The following GLB1L2 variants were observed in gnomAD, a reference collection of about 807,000 sequenced individuals.
GLB1L2 encodes galactosidase beta 1 like 2.
GLB1L2 carries 68 observed loss-of-function variants against 84.1 expected under a neutral mutation model. The ratio of observed to expected loss-of-function variants is 0.81; its 90% confidence interval spans 0.67 to 0.99. The LOEUF (loss-of-function observed/expected upper bound fraction) is 0.99. Ranked by LOEUF, GLB1L2 falls within the 50% of genes least tolerant of loss-of-function variation. GLB1L2 has a pLI of 0.00. For synonymous variants in GLB1L2, 290 were observed against 318.0 expected (o/e 0.91, Z 0.94); for missense variants, 762 against 805.6 (o/e 0.95, Z 0.66).
intron 5 of GLB1L2, among the ~76,000 whole-genome samples, chr11:134,350,353 G>C (rs1030393126): frequency 6.6e-6 from 1 of 152,194 alleles, no homozygotes. Flanking sequence ...CTCCGTCTAC[G>C]TGGATGCTGG....
chr11:134,347,293 A>C (rs373674799), intron 4 of GLB1L2, 32 bp from the exon 5 acceptor site: 1 of 1,540,384 alleles, frequency 6.5e-7, no homozygotes. Flanking sequence ...TGTGACACTA[A>C]CATCCTTCCT....
At chr11:134,344,258 C>A in intron 2 of GLB1L2, 129 bp from the exon 3 acceptor site, 1 of 1,142,844 alleles carries the variant, frequency 8.8e-7, no homozygotes, top group Non-Finnish European at 1.3e-6. Context: ...GTTCTTGGTT[C>A]CAGTCCTAAA....
intron 6 of GLB1L2, among the ~76,000 whole-genome samples, chr11:134,358,492 C>G (rs991826581): frequency 5.9e-5 from 9 of 152,302 alleles, no homozygotes; most frequent in African/African-American, 2.2e-4. Context: ...TTCCACTTCA[C>G]TCTCTGCTTT....
intron 1 of GLB1L2, among the ~76,000 whole-genome samples, chr11:134,341,155 T>G (rs1467567958): frequency 6.6e-6 from 1 of 152,202 alleles, no homozygotes; most frequent in African/African-American, 2.4e-5. Context: ...AAGCTTTCTC[T>G]TTGGAGAAAA....
At chr11:134,343,049 GC>G in intron 2 of GLB1L2, 98 bp downstream of exon 2, 2 of 1,285,314 alleles carry the variant, frequency 1.6e-6, no homozygotes, top group Admixed American at 2.4e-5. Flanking sequence ...CAGGTCCTCT[GC>G]CCAGGGCGAG....
In GLB1L2 at chr11:134,356,409, G is replaced by A; in HGVS notation, c.651+16G>A. On this transcript the variant is annotated intron_variant, in intron 6 of 18. Coordinates refer to ENST00000535456, the MANE Select transcript of GLB1L2 (RefSeq NM_001370461.1). ...CGTCAAGAAGGTAAGAATCCTCTTAGTGCGTTTCTTTAGATTCCTTCCTCT... is the reference window on the plus strand; with the variant it reads ...CGTCAAGAAGGTAAGAATCCTCTTAATGCGTTTCTTTAGATTCCTTCCTCT... 4.4e-6 allele frequency: 7 copies of A among 1,579,508 alleles called. No individual in the cohort carries two copies. The highest frequency in any genetic ancestry group is 4.4e-5 in the South Asian group (4 of 90,260).
At chr11:134,361,915 C>T (rs1408704442) in intron 7 of GLB1L2, among the ~76,000 whole-genome samples, 1 of 152,172 alleles carries the variant, frequency 6.6e-6, no homozygotes, top group Non-Finnish European at 1.5e-5. Flanking sequence ...TCTTCCTCCT[C>T]GCCCCCGGCC....
chr11:134,364,174 C>G (rs1213549326), intron 7 of GLB1L2, among the ~76,000 whole-genome samples, 154 bp from the exon 8 acceptor site: 10 of 152,210 alleles, frequency 6.6e-5, no homozygotes, highest in Non-Finnish European at 1.5e-4. Context: ...AGCCACCGCG[C>G]CTGACTGTGG....
At chr11:134,363,632 C>G (rs993208422) in intron 7 of GLB1L2, among the ~76,000 whole-genome samples, 7 of 152,168 alleles carry the variant, frequency 4.6e-5, no homozygotes, top group African/African-American at 1.7e-4. Context: ...AGAATTAGCC[C>G]TTATCAAGAA....
At chr11:134,340,304 G>A (rs1591610051) in intron 1 of GLB1L2, among the ~76,000 whole-genome samples, 1 of 151,674 alleles carries the variant, frequency 6.6e-6, no homozygotes, top group East Asian at 1.9e-4. Context: ...ATGTGCATGT[G>A]TGTGTGTATT....
At chr11:134,345,702 C>G (rs1239552750) in intron 4 of GLB1L2, among the ~76,000 whole-genome samples, 1 of 152,196 alleles carries the variant, frequency 6.6e-6, no homozygotes, top group African/African-American at 2.4e-5. Context: ...AACTCCTGAC[C>G]TTGTGATCTG....
chr11:134,375,029 C>A lies in GLB1L2; in HGVS notation c.1882C>A (p.His628Asn), dbSNP rs369197018. ...GPALQFTETP[H>N]LGRNQYIK ...TGCATTACAGTTCACGGAAACCCCC[C>A]ACCTGGGCAGGAACCAGTACATTAA... Residue 628 changes from histidine (H) to asparagine (N), a missense_variant, in exon 19 of 19, where the codon CAC (histidine) becomes AAC (asparagine). By Grantham distance (68) the His-to-Asn change is moderately conservative. This residue lies in a region of GLB1L2 where 603 missense variants were observed against 611.7 expected (regional missense o/e 0.99). Coordinates refer to ENST00000535456, the MANE Select transcript of GLB1L2 (RefSeq NM_001370461.1). 3.3e-4 allele frequency: 539 copies of A among 1,613,880 alleles called. 8 individuals carry two copies. The South Asian group carries it at 5.2e-3, about 16-fold the overall frequency.
rs138574847 is a variant in GLB1L2, at chr11:134,368,730, A to G, written c.976A>G (p.Met326Val). Residue 326 changes from methionine to valine, a missense_variant, in exon 10 of 19, where the codon ATG (methionine) becomes GTG (valine). Met to Val is a conservative substitution (Grantham distance 21). Transcript: ENST00000535456. ...CCACGGAGGCACCAACTTTGGCTTC[A>G]TGAATGGAGCCATGCACTTCCATGA... is the stretch of plus-strand genomic sequence containing the variant. ...MFHGGTNFGF[M>V]NGAMHFHDYK... 2.7e-5 allele frequency: 43 copies of G among 1,613,976 alleles called. No individual in the cohort carries two copies. The highest frequency in any genetic ancestry group is 3.6e-5 in the Non-Finnish European group (42 of 1,180,050).
intron 17 of GLB1L2, 45 bp downstream of exon 17, chr11:134,374,301 C>A: frequency 7.0e-7 from 1 of 1,424,914 alleles, no homozygotes; most frequent in South Asian, 1.1e-5. Context: ...ACCTGCCTCC[C>A]GCCTTGGAGG....
intron 15 of GLB1L2, among the ~76,000 whole-genome samples, 171 bp from the exon 16 acceptor site, chr11:134,373,550 G>A (rs1943984481): frequency 6.6e-6 from 1 of 152,232 alleles, no homozygotes; most frequent in Middle Eastern, 3.4e-3. Flanking sequence ...GCTTGCAAGC[G>A]AACGGCTTCC....
chr11:134,345,145 A>G lies in GLB1L2; in HGVS notation c.449+16A>G, dbSNP rs775793319. 6.3e-6 allele frequency: 10 copies of G among 1,594,372 alleles called. No homozygotes were observed. The South Asian group carries it at 1.1e-4, about 18-fold the overall frequency. On this transcript the variant is annotated intron_variant, in intron 4 of 18. Transcript: ENST00000535456. ...GCTTGCCCAGGTAAGCGGGGTTGTG[A>G]AGGGTCCTGTGTGCTGTGGCAAAAA...
In GLB1L2 at chr11:134,347,306, C is replaced by A; in HGVS notation, c.450-19C>A. 1.3e-6 allele frequency: 2 copies of A among 1,584,532 alleles called. No individual in the cohort carries two copies. The highest frequency in any genetic ancestry group is 1.7e-6 in the Non-Finnish European group (2 of 1,153,008). ...ACTGTGACACTAACATCCTTCCTTTCCCCCGTTTACACTTCAAGCTGGCTA... is the reference window on the plus strand; with the variant it reads ...ACTGTGACACTAACATCCTTCCTTTACCCCGTTTACACTTCAAGCTGGCTA... On this transcript the variant is annotated intron_variant, in intron 4 of 18. Transcript: ENST00000535456.
chr11:134,348,112 C>T (rs570547788), intron 5 of GLB1L2, among the ~76,000 whole-genome samples: 16 of 152,086 alleles, frequency 1.1e-4, no homozygotes, highest in Admixed American at 2.6e-4. Flanking sequence ...GAAATTAGTA[C>T]ATCAATAAAA....
At chr11:134,342,635 C>T in intron 1 of GLB1L2, 119 bp from the exon 2 acceptor site, 1 of 1,026,366 alleles carries the variant, frequency 9.7e-7, no homozygotes, top group Non-Finnish European at 1.4e-6. Flanking sequence ...GAGCTTTTCC[C>T]AGCCACCTGG....
Sources: gnomAD v4.1 joint callset for allele counts (sites outside exome capture counted in the v4.1 genomes callset) on GRCh38, gnomAD v4.1.1 for gene constraint, gnomAD v4.1.1 regional missense constraint, MANE v1.5 for transcripts, NCBI Gene and HGNC (gene_info 2026-07-23, HGNC 2026-07-21) for gene names.